Variants in COBL observed in about 807,000 individuals in gnomAD.
COBL encodes the protein cordon-bleu WH2 repeat protein.
Under a neutral mutation model 98.8 loss-of-function variants are expected in COBL, and 51 were observed. That is an observed-to-expected ratio of 0.52 (90% CI 0.41 to 0.65). The LOEUF is 0.65. Ranked by LOEUF, COBL falls within the 30% of genes least tolerant of loss-of-function variation. The probability of loss-of-function intolerance (pLI) is 0.00; values close to 1 mark genes in which losing one functional copy is unlikely to be tolerated. For synonymous variants in COBL, 634 were observed against 651.7 expected (o/e 0.97, Z 0.41); for missense variants, 1,617 against 1,617.5 (o/e 1.00, Z 0.01).
chr7:51,290,859 G>T (rs924053173), intron 1 of COBL, among the ~76,000 whole-genome samples: 4 of 152,086 alleles, frequency 2.6e-5, no homozygotes, highest in Non-Finnish European at 5.9e-5. Context: ...CTGAAGCAGG[G>T]TGCCTCCCCA....
At chr7:51,124,230 G>A (rs939328954) in intron 6 of COBL, among the ~76,000 whole-genome samples, 6 of 152,194 alleles carry the variant, frequency 3.9e-5, no homozygotes, top group East Asian at 1.9e-4. Flanking sequence ...GTTGGCCGAC[G>A]ACTGGATGAC....
At position 51,248,221 on chromosome 7, in the gene COBL, C is replaced by A. The variant is rs1165794426; in HGVS notation, c.42-28277G>T. Among the ~76,000 whole-genome samples the A allele has an allele frequency of 3.9e-5, 6 of 152,182 alleles. No individual in the cohort carries two copies. In the East Asian group the frequency reaches 1.2e-3, roughly 29 times the overall value. Reference sequence around the variant, plus strand: ...TATAAAGAATTTTCCTCCTACTGTGCATCCGTGGTTATGAAACGATTCATA... The same window carrying A: ...TATAAAGAATTTTCCTCCTACTGTGAATCCGTGGTTATGAAACGATTCATA... On this transcript the variant is annotated intron_variant, in intron 1 of 12. Transcript: ENST00000265136.
chr7:51,253,355 A>G (rs957563057), intron 1 of COBL, among the ~76,000 whole-genome samples: 1 of 152,206 alleles, frequency 6.6e-6, no homozygotes, highest in African/African-American at 2.4e-5. Context: ...TACTCTTGCC[A>G]GCAGGAGGCC....
intron 1 of COBL, among the ~76,000 whole-genome samples, chr7:51,265,556 G>C (rs767686585): frequency 6.6e-6 from 1 of 152,194 alleles, no homozygotes; most frequent in African/African-American, 2.4e-5. Flanking sequence ...CATGTGCACA[G>C]AGGACAGTGA....
chr7:51,264,672 C>CAAAAAAAAAAAAAAAA (rs5884201), intron 1 of COBL, among the ~76,000 whole-genome samples: 1 of 48,382 alleles, frequency 2.1e-5, no homozygotes, highest in African/African-American at 5.4e-5. Context: ...CTCCATCTCC[C>CAAAAAAAAAAAAAAAA]AAAAAAAAAA....
At chr7:51,162,117 C>G (rs1786880896) in intron 5 of COBL, among the ~76,000 whole-genome samples, 1 of 152,130 alleles carries the variant, frequency 6.6e-6, no homozygotes, top group East Asian at 1.9e-4. Flanking sequence ...TGTGACCTCC[C>G]CGTGTCTTGG....
chr7:51,053,614 T>C (rs1790441812), intron 7 of COBL, among the ~76,000 whole-genome samples: 1 of 152,198 alleles, frequency 6.6e-6, no homozygotes, highest in Non-Finnish European at 1.5e-5. Flanking sequence ...GGTCACTTTC[T>C]ATAACTCAGA....
chr7:51,182,197 C>T (rs1186805532), intron 5 of COBL, among the ~76,000 whole-genome samples: 6 of 151,406 alleles, frequency 4.0e-5, no homozygotes, highest in Non-Finnish European at 8.8e-5. Context: ...CAGTCCCAGC[C>T]AACTTATCTC....
At chr7:51,214,609 G>A (rs1180051043) in intron 2 of COBL, among the ~76,000 whole-genome samples, 1 of 152,144 alleles carries the variant, frequency 6.6e-6, no homozygotes, top group African/African-American at 2.4e-5. Context: ...TTATAAGCAA[G>A]TTAGTTGTTT....
At chr7:51,062,097 A>C (rs1170866761) in intron 7 of COBL, among the ~76,000 whole-genome samples, 1 of 152,198 alleles carries the variant, frequency 6.6e-6, no homozygotes, top group African/African-American at 2.4e-5. Context: ...GCCTAATTTT[A>C]AGAAAATCTT....
At chr7:51,073,349 C>T (rs899944079) in intron 7 of COBL, 5 of 697,342 alleles carry the variant, frequency 7.2e-6, no homozygotes, top group Admixed American at 2.0e-5. Flanking sequence ...CCATCAGAAG[C>T]GCTTGGCCTG....
chr7:51,289,064 A>G (rs561901346), intron 1 of COBL, among the ~76,000 whole-genome samples: 3 of 152,308 alleles, frequency 2.0e-5, no homozygotes, highest in Admixed American at 6.5e-5. Context: ...TGCATAGTCT[A>G]AAGTCAGCAG....
chr7:51,197,419 G>T (rs1259776223), intron 2 of COBL, among the ~76,000 whole-genome samples: 2 of 152,004 alleles, frequency 1.3e-5, no homozygotes, highest in African/African-American at 4.8e-5. Flanking sequence ...CATTTGCTGA[G>T]GAGTCTTTTA....
chr7:51,278,132 A>G (rs1252658899), intron 1 of COBL, among the ~76,000 whole-genome samples: 3 of 152,174 alleles, frequency 2.0e-5, no homozygotes, highest in Non-Finnish European at 4.4e-5. Context: ...TGCAAATACT[A>G]GAACGCAATA....
intron 7 of COBL, among the ~76,000 whole-genome samples, chr7:51,081,047 C>G (rs965665103): frequency 1.3e-5 from 2 of 152,160 alleles, no homozygotes; most frequent in South Asian, 2.1e-4. Context: ...ATAAAAGCTC[C>G]GAGATGCTTG....
chr7:51,115,461 T>A (rs755779411), intron 6 of COBL, among the ~76,000 whole-genome samples: 7 of 152,142 alleles, frequency 4.6e-5, no homozygotes, highest in African/African-American at 1.7e-4. Context: ...AATTTTAATA[T>A]ATTGTATATT....
chr7:51,227,721 T>A (rs180962330), intron 1 of COBL, among the ~76,000 whole-genome samples: 12 of 152,250 alleles, frequency 7.9e-5, no homozygotes, highest in African/African-American at 2.6e-4. Flanking sequence ...AGATTAAGAA[T>A]CCATGTAATA....
At chr7:51,142,020 T>C (rs964236024) in intron 5 of COBL, among the ~76,000 whole-genome samples, 1 of 152,170 alleles carries the variant, frequency 6.6e-6, no homozygotes, top group African/African-American at 2.4e-5. Flanking sequence ...AATCCTGAGC[T>C]GTCTTCTGGC....
At chr7:51,186,665 G>C (rs727969) in intron 4 of COBL, among the ~76,000 whole-genome samples, 1 of 152,190 alleles carries the variant, frequency 6.6e-6, no homozygotes, top group Non-Finnish European at 1.5e-5. Context: ...GCCTGCAGCT[G>C]TCTGGAGGCA....
Sources: allele counts gnomAD v4.1 joint callset (sites outside exome capture counted in the v4.1 genomes callset), GRCh38; gene constraint gnomAD v4.1.1; transcripts MANE v1.5; gene names NCBI Gene and HGNC (gene_info 2026-07-23, HGNC 2026-07-21).